Variants in MAFG observed in about 807,000 individuals in gnomAD.
MAFG encodes transcription factor MafG.
Under a neutral mutation model 12.2 loss-of-function variants are expected in MAFG, and 3 were observed. That is an observed-to-expected ratio of 0.25 (90% CI 0.11 to 0.64). MAFG has a LOEUF of 0.64. Among genes scored for constraint, MAFG ranks in the 30% least tolerant of loss-of-function variants. The probability of loss-of-function intolerance (pLI) is 0.85; values close to 1 mark genes in which losing one functional copy is unlikely to be tolerated. For missense variants in MAFG, 153 were observed against 235.5 expected, an observed-to-expected ratio of 0.65 and a Z score of 2.29; for synonymous variants, 126 against 109.1, an observed-to-expected ratio of 1.15 and a Z score of -0.96.
At chr17:81,929,702 T>C (rs558990851), upstream of MAFG, 1 of 152,678 alleles carries the variant, frequency 6.5e-6, no homozygotes, top group Non-Finnish European at 1.5e-5. This position sits in a 1 kb window ranked among gnomAD's most constrained non-coding sequence, Gnocchi z 5.7. Flanking sequence ...TTTCCAAGCA[T>C]CCCTCTCACT....
Position 81,924,943 on chromosome 17 carries a change from T to C in MAFG, c.-29-1729A>G, listed in dbSNP as rs757356237. On this transcript the variant is annotated intron_variant, in intron 1 of 2. Transcript: ENST00000357736. This position sits in a 1 kb window ranked among gnomAD's most constrained non-coding sequence, Gnocchi z 4.7. ...TGAAGAGATCACACGGAAAAGTGCCTCCTCGACAGATTTTGCCCTCCGCAG... is the reference window on the plus strand; with the variant it reads ...TGAAGAGATCACACGGAAAAGTGCCCCCTCGACAGATTTTGCCCTCCGCAG... Among the ~76,000 whole-genome samples, 16 of 151,984 alleles carry C rather than the reference T, an allele frequency of 1.1e-4. No homozygotes were observed. The highest frequency in any genetic ancestry group is 2.1e-4 in the Non-Finnish European group (14 of 68,006).
At chr17:81,929,090 C>T (rs190101245), upstream of MAFG, among the ~76,000 whole-genome samples, 470 of 152,342 alleles carry the variant, frequency 3.1e-3, 1 homozygote, top group Non-Finnish European at 5.1e-3. The surrounding 1 kb of genome is among the most constrained non-coding windows in gnomAD (Gnocchi z 5.7). Flanking sequence ...CGCGGGCAGA[C>T]GCTCACCAGG....
In MAFG at chr17:81,926,961, C is replaced by A. The variant is rs2040945116; in HGVS notation, c.-30+567G>T. The stretch of plus-strand genomic sequence containing the variant: ...TCAGCTTGAGCACCGAGTGACCTCA[C>A]GCTGATGACTCAGCAAGTCTCCCTC... On this transcript the variant is annotated intron_variant, in intron 1 of 2. Coordinates refer to ENST00000357736, the MANE Select transcript of MAFG (RefSeq NM_002359.4). The surrounding 1 kb of genome is among the most constrained non-coding windows in gnomAD (Gnocchi z 4.6). 6.6e-6 allele frequency among the ~76,000 whole-genome samples: 1 copy of A among 152,178 alleles called. No individual in the cohort carries two copies.
chr17:81,927,971 G>C (rs902906503), upstream of MAFG: 5 of 152,102 alleles, frequency 3.3e-5, no homozygotes, highest in Non-Finnish European at 2.9e-5. Context: ...AGCCTGCCTC[G>C]CCTGGCTCCT....
chr17:81,923,774 C>T (rs1187292609), intron 1 of MAFG, among the ~76,000 whole-genome samples: 1 of 152,212 alleles, frequency 6.6e-6, no homozygotes, highest in Non-Finnish European at 1.5e-5. Flanking sequence ...CTACCTTCTA[C>T]AGCCACCTCC....
chr17:81,925,807 C>CAA (rs753192299), intron 1 of MAFG, among the ~76,000 whole-genome samples: 24 of 47,226 alleles, frequency 5.1e-4, no homozygotes, highest in African/African-American at 1.2e-3. Context: ...GACTCCGTCT[C>CAA]AAAAAAAAAA....
chr17:81,927,312 C>T (rs1038985062), intron 1 of MAFG, among the ~76,000 whole-genome samples: 18 of 151,228 alleles, frequency 1.2e-4, no homozygotes, highest in Non-Finnish European at 2.4e-4. Flanking sequence ...TACCCGGGCG[C>T]CAGGGGCAGG....
At chr17:81,925,344 A>G (rs1426119661) in intron 1 of MAFG, among the ~76,000 whole-genome samples, 1 of 152,246 alleles carries the variant, frequency 6.6e-6, no homozygotes, top group Non-Finnish European at 1.5e-5. Context: ...TCCTTTGGCT[A>G]AAGTAGAAAC....
rs374433638 is a variant in MAFG at position 81,922,920 on chromosome 17, C to T, written c.174G>A (p.Thr58=). Residue 58 remains threonine (T), a synonymous_variant, in exon 3 of 3, where the codon ACG becomes ACA. Transcript: ENST00000357736. Reference sequence around the variant, plus strand: ...TGGCAGCGTAGCCGCGGTTCTTGAGCGTGCGCCGGCGCTGCTTCAGCTGGA... The same window carrying T: ...TGGCAGCGTAGCCGCGGTTCTTGAGTGTGCGCCGGCGCTGCTTCAGCTGGA... ...EIVQLKQRRR[T]LKNRGYAASC... is the part of the protein sequence containing the mutation. 73 of 1,608,008 alleles carry T rather than the reference C, an allele frequency of 4.5e-5. No homozygotes were observed. The Middle Eastern group carries it at 9.9e-4, about 22-fold the overall frequency.
chr17:81,929,110 C>T (rs911674560), upstream of MAFG, among the ~76,000 whole-genome samples: 3 of 152,252 alleles, frequency 2.0e-5, no homozygotes, highest in African/African-American at 7.2e-5. The surrounding 1 kb of genome is among the most constrained non-coding windows in gnomAD (Gnocchi z 5.7). Flanking sequence ...GCTGTCCCCA[C>T]TCACTCCCAC....
At chr17:81,929,152 C>G (rs1029497888), upstream of MAFG, among the ~76,000 whole-genome samples, 2 of 152,230 alleles carry the variant, frequency 1.3e-5, no homozygotes, top group Non-Finnish European at 2.9e-5. The surrounding 1 kb of genome is among the most constrained non-coding windows in gnomAD (Gnocchi z 5.7). Flanking sequence ...GTCGAGCCCG[C>G]TCTCATTTGC....
Position 81,918,351 on chromosome 17 carries a change from T to G in MAFG, c.*4254A>C. ...AACATACACTATGTACAGCAATAAA[T>G]ACCCGGGGGGCCAGGCCCAGTGCTG... On this transcript the variant is annotated 3_prime_UTR_variant, in exon 3 of 3. Coordinates refer to ENST00000357736, the MANE Select transcript of MAFG (RefSeq NM_002359.4). 2.2e-5 allele frequency: 8 copies of G among 362,722 alleles called. No individual in the cohort carries two copies. The highest frequency in any genetic ancestry group is 4.7e-5 in the East Asian group (1 of 21,074). 22.5% of individuals were successfully genotyped at this position (362,722 alleles called of 1,614,324 possible).
chr17:81,923,918 G>A (rs146002381), intron 1 of MAFG, among the ~76,000 whole-genome samples: 228 of 152,336 alleles, frequency 1.5e-3, no homozygotes, highest in African/African-American at 5.2e-3. Context: ...GGGGTGGGCC[G>A]TCCATCTAGC....
chr17:81,924,975 T>A lies in MAFG; in HGVS notation c.-29-1761A>T, dbSNP rs1353746280. On this transcript the variant is annotated intron_variant, in intron 1 of 2. Transcript: ENST00000357736. The surrounding 1 kb of genome is among the most constrained non-coding windows in gnomAD (Gnocchi z 4.7). ...CAGATTTTGCCCTCCGCAGAAGGCC[T>A]GAACTCAGCACAAGTGCAAGCCATC... is the stretch of plus-strand genomic sequence containing the variant. Among the ~76,000 whole-genome samples, 1 of 152,150 alleles carries A rather than the reference T, an allele frequency of 6.6e-6. No individual in the cohort carries two copies. Among genetic ancestry groups the A allele is most frequent in the Non-Finnish European group, 1.5e-5 (1 of 68,024 alleles).
rs1598348171 is a variant in MAFG, at chr17:81,925,110, C to G, written c.-29-1896G>C. Among the ~76,000 whole-genome samples the G allele has an allele frequency of 2.0e-5, 3 of 152,348 alleles. No homozygotes were observed. In the South Asian group the frequency reaches 6.2e-4, roughly 32 times the overall value. On this transcript the variant is annotated intron_variant, in intron 1 of 2. Coordinates refer to ENST00000357736, the MANE Select transcript of MAFG (RefSeq NM_002359.4). The stretch of plus-strand genomic sequence containing the variant: ...TGGACCTGGGCTGAGAGGGACCATG[C>G]AGGGATCCCAGGAGCTGGACTGAGG...
At position 81,923,232 on chromosome 17, in the gene MAFG, G is replaced by A; in HGVS notation, c.-29-18C>T. 1 of 1,461,604 alleles carries A rather than the reference G, an allele frequency of 6.8e-7. No individual in the cohort carries two copies. Among genetic ancestry groups the A allele is most frequent in the Non-Finnish European group, 9.2e-7 (1 of 1,089,662 alleles). 90.5% of individuals were successfully genotyped at this position (1,461,604 alleles called of 1,614,324 possible). On this transcript the variant is annotated intron_variant, in intron 1 of 2. Transcript: ENST00000357736. Reference sequence around the variant, plus strand: ...GGCGCTCTCTGCAAGACACGGAGCAGGTCAGTACCCTGGAGACCACCCTCG... The same window carrying A: ...GGCGCTCTCTGCAAGACACGGAGCAAGTCAGTACCCTGGAGACCACCCTCG...
rs1244233527 is a variant in MAFG at position 81,924,502 on chromosome 17, A to T, written c.-29-1288T>A. The T allele has an allele frequency of 1.3e-5, 2 of 152,296 alleles. No individual in the cohort carries two copies. The highest frequency in any genetic ancestry group is 2.9e-5 in the Non-Finnish European group (2 of 68,138). The allele number at this position is 152,296 out of a possible 1,614,324, so 9.4% of individuals were successfully genotyped here. A position where few individuals can be genotyped will look rare whatever the true frequency, so the allele number is the denominator to read the frequency against. ...ATGGGCTGGGGGGCTTCTTACTCTC[A>T]TCAGGGGAGCTGAAGTGTGGCCAGG... On this transcript the variant is annotated intron_variant, in intron 1 of 2. Transcript: ENST00000357736. The surrounding 1 kb of genome is among the most constrained non-coding windows in gnomAD (Gnocchi z 4.7).
Position 81,921,084 on chromosome 17 carries a change from G to A in MAFG, c.*1521C>T, listed in dbSNP as rs1032490327. The stretch of plus-strand genomic sequence containing the variant: ...ATGCCACCACCCAAGGCCAGAGGTG[G>A]TGGGTGTGGAAGCAGCGTGGGGCGC... On this transcript the variant is annotated 3_prime_UTR_variant, in exon 3 of 3. Transcript: ENST00000357736. 2.0e-5 allele frequency: 3 copies of A among 152,314 alleles called. No homozygotes were observed. The highest frequency in any genetic ancestry group is 7.2e-5 in the African/African-American group (3 of 41,430). The allele number at this position is 152,314 out of a possible 1,614,324, so 9.4% of individuals were successfully genotyped here.
chr17:81,921,096 G>T lies in MAFG; in HGVS notation c.*1509C>A, dbSNP rs2143809794. ...AAGGCCAGAGGTGGTGGGTGTGGAA[G>T]CAGCGTGGGGCGCCCCAAGGGACCC... On this transcript the variant is annotated 3_prime_UTR_variant, in exon 3 of 3. Coordinates refer to ENST00000357736, the MANE Select transcript of MAFG (RefSeq NM_002359.4). 1 of 152,408 alleles carries T rather than the reference G, an allele frequency of 6.6e-6. No individual in the cohort carries two copies. The highest frequency in any genetic ancestry group is 1.9e-4 in the East Asian group (1 of 5,178). The allele number at this position is 152,408 out of a possible 1,614,324, so 9.4% of individuals were successfully genotyped here.
Sources: allele counts gnomAD v4.1 joint callset (sites outside exome capture counted in the v4.1 genomes callset), GRCh38; gene constraint gnomAD v4.1.1; non-coding constraint Gnocchi (gnomAD v3.1); transcripts MANE v1.5; gene names NCBI Gene and HGNC (gene_info 2026-07-23, HGNC 2026-07-21).